The following KCNMA1 variants were observed in gnomAD, a reference collection of about 807,000 sequenced individuals.
KCNMA1 encodes the protein potassium calcium-activated channel subfamily M alpha 1, also known as Calcium-activated potassium channel subunit alpha-1.
In KCNMA1, 29 loss-of-function variants were observed where a neutral mutation model predicts 140.0. The observed-to-expected ratio is 0.21, with a 90% confidence interval of 0.15 to 0.28. KCNMA1 has a LOEUF of 0.28. Ranked by LOEUF, KCNMA1 falls within the 10% of genes least tolerant of loss-of-function variation. The probability of loss-of-function intolerance (pLI) is 1.00; values close to 1 mark genes in which losing one functional copy is unlikely to be tolerated. For missense variants in KCNMA1, 880 were observed against 1,602.2 expected (o/e 0.55, Z 7.70); for synonymous variants, 612 against 611.9 (o/e 1.00, Z 0.00).
chr10:77,366,016 A>G (rs1318041243), intron 2 of KCNMA1, among the ~76,000 whole-genome samples: 2 of 152,224 alleles, frequency 1.3e-5, no homozygotes, highest in Non-Finnish European at 2.9e-5. Flanking sequence ...CTCAGACTGC[A>G]GTGAGGTGAA....
At chr10:77,422,665 G>A (rs929227433) in intron 1 of KCNMA1, among the ~76,000 whole-genome samples, 1 of 152,220 alleles carries the variant, frequency 6.6e-6, no homozygotes, top group African/African-American at 2.4e-5. Context: ...AAGTTAAAAT[G>A]AGGTCATACT....
At chr10:77,312,690 G>A (rs1641653199) in intron 2 of KCNMA1, among the ~76,000 whole-genome samples, 1 of 152,162 alleles carries the variant, frequency 6.6e-6, no homozygotes, top group South Asian at 2.1e-4. Flanking sequence ...ATTTAGGGGA[G>A]AAAAGGGAGT....
At chr10:77,621,922 A>T (rs2091508920) in intron 1 of KCNMA1, among the ~76,000 whole-genome samples, 1 of 152,190 alleles carries the variant, frequency 6.6e-6, no homozygotes, top group Non-Finnish European at 1.5e-5. Context: ...TTCATGGAAG[A>T]CTGTTGACAC....
At chr10:77,515,250 C>T (rs1337601651) in intron 1 of KCNMA1, among the ~76,000 whole-genome samples, 1 of 152,102 alleles carries the variant, frequency 6.6e-6, no homozygotes, top group Non-Finnish European at 1.5e-5. Flanking sequence ...TCTGCCCAAA[C>T]CAATCATCAC....
chr10:77,295,355 AAAAAG>A (rs2074601653), intron 2 of KCNMA1, among the ~76,000 whole-genome samples: 1 of 150,684 alleles, frequency 6.6e-6, no homozygotes, highest in Non-Finnish European at 1.5e-5. Context: ...CTCAAAAAAA[AAAAAG>A]AGAGTAGTGT....
chr10:77,634,631 G>A, intron 1 of KCNMA1: 4 of 985,358 alleles, frequency 4.1e-6, no homozygotes, highest in Non-Finnish European at 4.8e-6. Context: ...CCATCTGAGG[G>A]CTGGTAGAAT....
rs1395783247 is a variant in KCNMA1, at chr10:77,392,162, GGGAGGGA to G, written c.540+11693_540+11699del. 5.4e-3 allele frequency among the ~76,000 whole-genome samples: 687 copies of G among 126,604 alleles called. 7 individuals are homozygous for G. The highest frequency in any genetic ancestry group is 0.02 in the African/African-American group (643 of 32,128). The allele number at this position is 126,604 out of a possible 152,430, so 83.1% of individuals were successfully genotyped here. The stretch of plus-strand genomic sequence containing the variant: ...AGGAAGGGAGGGAGGGAGGAAGGGA[GGGAGGGA>G]GGAGGGAGGAGTGGGGGAGGTGGGA... On this transcript the variant is annotated intron_variant, in intron 2 of 27. Coordinates refer to ENST00000286628, the MANE Select transcript of KCNMA1 (RefSeq NM_001161352.2).
chr10:77,184,824 C>T lies in KCNMA1; in HGVS notation c.695G>A (p.Arg232Gln). ...CTGAACAATGTTGCACAAACTTACCCGCAAGCCGAAGTAGAGAAGGAAGAA... is the reference window on the plus strand; with the variant it reads ...CTGAACAATGTTGCACAAACTTACCTGCAAGCCGAAGTAGAGAAGGAAGAA... ...NVFFLLYFGL[R>Q]FIAANDKLWF... Residue 232 changes from arginine to glutamine, a missense_variant and splice_region_variant, in exon 4 of 28, where the codon CGG becomes CAG. By Grantham distance (43) the Arg-to-Gln change is conservative. This residue lies in a region of KCNMA1 where 198 missense variants were observed against 580.1 expected (regional missense o/e 0.34). Coordinates refer to ENST00000286628, the MANE Select transcript of KCNMA1 (RefSeq NM_001161352.2). The T allele has an allele frequency of 6.3e-7, 1 of 1,596,976 alleles. No individual in the cohort carries two copies. The highest frequency in any genetic ancestry group is 8.6e-7 in the Non-Finnish European group (1 of 1,164,834).
chr10:77,054,001 C>G (rs1421177200), intron 14 of KCNMA1, among the ~76,000 whole-genome samples: 1 of 152,070 alleles, frequency 6.6e-6, no homozygotes, highest in Non-Finnish European at 1.5e-5. Context: ...ACTGCACAGC[C>G]GCACAACCCC....
At chr10:77,467,173 A>G (rs287178) in intron 1 of KCNMA1, among the ~76,000 whole-genome samples, 148,629 of 152,214 alleles carry the variant, frequency 0.98, 72,592 homozygotes, top group East Asian at 1. Flanking sequence ...TAGATTCACC[A>G]GTTTTTAAAA....
intron 1 of KCNMA1, chr10:77,634,090 T>G (rs942948283): frequency 1.1e-6 from 1 of 899,418 alleles, no homozygotes; most frequent in East Asian, 1.2e-4. Flanking sequence ...CAAGGAAAGA[T>G]AGACACCAGA....
At chr10:77,448,330 A>G (rs2097566585) in intron 1 of KCNMA1, among the ~76,000 whole-genome samples, 1 of 152,206 alleles carries the variant, frequency 6.6e-6, no homozygotes, top group African/African-American at 2.4e-5. Context: ...GAATGAGGAA[A>G]TTGTTTTCTA....
rs56706119 is a variant in KCNMA1 at position 77,572,569 on chromosome 10, CATATATATATATATATATAT to C, written c.378+64676_378+64695del. On this transcript the variant is annotated intron_variant, in intron 1 of 27. Coordinates refer to ENST00000286628, the MANE Select transcript of KCNMA1 (RefSeq NM_001161352.2). ...TGTCGCTCCAAAAAAAAAAAAAATC[CATATATATATATATATATAT>C]ATATATATATATATAAATTAGCTGG... Among the ~76,000 whole-genome samples, 126 of 37,564 alleles carry C rather than the reference CATATATATATATATATATAT, an allele frequency of 3.4e-3. 4 individuals are homozygous for C. Among genetic ancestry groups the C allele is most frequent in the South Asian group, 5.9e-3 (6 of 1,016 alleles). 24.6% of individuals were successfully genotyped at this position (37,564 alleles called of 152,430 possible). A position where few individuals can be genotyped will look rare whatever the true frequency, so the allele number is the denominator to read the frequency against.
intron 2 of KCNMA1, among the ~76,000 whole-genome samples, chr10:77,394,706 G>A (rs369501866): frequency 7.0e-4 from 106 of 152,256 alleles, no homozygotes; most frequent in African/African-American, 2.4e-3. Flanking sequence ...ATGTAGACAC[G>A]TCCCCATGAG....
At chr10:76,966,991 T>C (rs1425690651) in intron 20 of KCNMA1, among the ~76,000 whole-genome samples, 1 of 152,096 alleles carries the variant, frequency 6.6e-6, no homozygotes, top group African/African-American at 2.4e-5. Context: ...AACACTAGGG[T>C]AAGCCTGATA....
chr10:77,365,245 G>A (rs542800985), intron 2 of KCNMA1, among the ~76,000 whole-genome samples: 17 of 152,246 alleles, frequency 1.1e-4, no homozygotes, highest in African/African-American at 3.9e-4. Context: ...AGGAAACAAA[G>A]CCACCTTGTC....
At chr10:77,165,126 A>T (rs1048498743) in intron 5 of KCNMA1, among the ~76,000 whole-genome samples, 1 of 152,222 alleles carries the variant, frequency 6.6e-6, no homozygotes, top group African/African-American at 2.4e-5. Flanking sequence ...TCTGCTAGGC[A>T]GCTGAAAGTG....
At chr10:77,217,556 G>T (rs754788445) in intron 3 of KCNMA1, 23 of 456,472 alleles carry the variant, frequency 5.0e-5, no homozygotes, top group South Asian at 3.4e-4. Flanking sequence ...AAGTCTCCAG[G>T]AGCTGCCGAA....
intron 14 of KCNMA1, among the ~76,000 whole-genome samples, chr10:77,052,277 C>A (rs894537098): frequency 6.6e-6 from 1 of 152,114 alleles, no homozygotes; most frequent in African/African-American, 2.4e-5. Flanking sequence ...ACTTTCCTAA[C>A]GGCCAGTAAG....
Sources: gnomAD v4.1 joint callset for allele counts (sites outside exome capture counted in the v4.1 genomes callset) on GRCh38, gnomAD v4.1.1 for gene constraint, gnomAD v4.1.1 regional missense constraint, MANE v1.5 for transcripts, NCBI Gene and HGNC (gene_info 2026-07-23, HGNC 2026-07-21) for gene names.